Variants in LRRTM3 observed in about 807,000 individuals in gnomAD.
LRRTM3 encodes leucine rich repeat transmembrane neuronal 3.
In LRRTM3, 24 loss-of-function variants were observed where a neutral mutation model predicts 44.7. The observed-to-expected ratio is 0.54, with a 90% CI of 0.39 to 0.76. The LOEUF (loss-of-function observed/expected upper bound fraction) is 0.76. Among genes scored for constraint, LRRTM3 ranks in the 30% least tolerant of loss-of-function variants. The probability of loss-of-function intolerance (pLI) is 0.00; values close to 1 mark genes in which losing one functional copy is unlikely to be tolerated. For synonymous variants in LRRTM3, 277 were observed against 278.7 expected, an observed-to-expected ratio of 0.99 and a Z score of 0.06; for missense variants, 587 against 702.2, an observed-to-expected ratio of 0.84 and a Z score of 1.85.
intron 2 of LRRTM3, among the ~76,000 whole-genome samples, chr10:67,088,854 A>G (rs1857456425): frequency 6.6e-6 from 1 of 152,066 alleles, no homozygotes; most frequent in African/African-American, 2.4e-5. Context: ...TCAGCCCTCC[A>G]TATCCATAGG....
At chr10:66,984,334 A>C (rs780664111) in intron 2 of LRRTM3, among the ~76,000 whole-genome samples, 5 of 152,228 alleles carry the variant, frequency 3.3e-5, no homozygotes, top group Non-Finnish European at 7.3e-5. Context: ...TATTCTTAGT[A>C]TGTGAATACA....
chr10:66,985,643 G>A (rs748877980), intron 2 of LRRTM3, among the ~76,000 whole-genome samples: 1 of 152,132 alleles, frequency 6.6e-6, no homozygotes, highest in Non-Finnish European at 1.5e-5. Flanking sequence ...AAAGAGACCA[G>A]GAAGGGCAGG....
At chr10:67,088,073 A>G (rs1857410545) in intron 2 of LRRTM3, among the ~76,000 whole-genome samples, 1 of 151,860 alleles carries the variant, frequency 6.6e-6, no homozygotes, top group Non-Finnish European at 1.5e-5. Context: ...AAGAGAAAGA[A>G]AGCAAGAACA....
At chr10:67,080,766 C>T (rs1002484269) in intron 2 of LRRTM3, among the ~76,000 whole-genome samples, 1 of 151,376 alleles carries the variant, frequency 6.6e-6, no homozygotes, top group Non-Finnish European at 1.5e-5. Context: ...AAAATTAGCC[C>T]GGCGTGGTGG....
chr10:67,092,257 T>C (rs556167691), intron 2 of LRRTM3, among the ~76,000 whole-genome samples: 3 of 151,980 alleles, frequency 2.0e-5, no homozygotes, highest in African/African-American at 7.2e-5. Flanking sequence ...AATGGGAAGA[T>C]TTCCCCTGTG....
In LRRTM3 at chr10:66,941,527, T is replaced by C. The variant is rs572111565; in HGVS notation, c.1536+13075T>C. On this transcript the variant is annotated intron_variant, in intron 2 of 2. Transcript: ENST00000361320. ...TCTTTCCTTTCAACTGTATGGAATT[T>C]GAATCTGACAAACAACCTGTCTGTT... 4.6e-5 allele frequency among the ~76,000 whole-genome samples: 7 copies of C among 152,264 alleles called. No homozygotes were observed. In the South Asian group the frequency reaches 1.4e-3, roughly 32 times the overall value.
At chr10:67,075,262 T>C (rs1206722517) in intron 2 of LRRTM3, among the ~76,000 whole-genome samples, 5 of 151,768 alleles carry the variant, frequency 3.3e-5, no homozygotes, top group African/African-American at 1.2e-4. Flanking sequence ...AAATCTTAAA[T>C]TAAAAAAAAA....
At chr10:67,014,285 A>G (rs1410980972) in intron 2 of LRRTM3, among the ~76,000 whole-genome samples, 1 of 152,186 alleles carries the variant, frequency 6.6e-6, no homozygotes, top group Non-Finnish European at 1.5e-5. Context: ...AGCAGTGGTA[A>G]TAGGTTTACA....
chr10:67,097,590 C>T lies in LRRTM3; in HGVS notation c.1540C>T (p.Pro514Ser). 2 of 1,611,892 alleles carry T rather than the reference C, an allele frequency of 1.2e-6. No individual in the cohort carries two copies. Among genetic ancestry groups the T allele is most frequent in the Non-Finnish European group, 1.7e-6 (2 of 1,178,562 alleles). The change falls in exon 3 of 3, where the codon CCT (proline) becomes TCT (serine). Residue 514 changes from proline to serine, a missense_variant. Around this residue, in one of 3 missense-constraint regions of LRRTM3, gnomAD observed 315 missense variants for 335.6 expected, o/e 0.94. Coordinates refer to ENST00000361320, the MANE Select transcript of LRRTM3 (RefSeq NM_178011.5). ...NKSGSRECEI[P>S]LSMNVSTFLA... ...TTCTCATGTCATTTTTCCCCAGATA[C>T]CTTTATCAATGAATGTGTCAACCTT... is the stretch of plus-strand genomic sequence containing the variant.
intron 2 of LRRTM3, among the ~76,000 whole-genome samples, chr10:66,950,234 AC>A (rs1356243766): frequency 6.6e-6 from 1 of 151,768 alleles, no homozygotes; most frequent in Non-Finnish European, 1.5e-5. Flanking sequence ...TCCCCATTCA[AC>A]TCTAATTGTA....
chr10:66,942,572 CTCTCTGTG>C (rs1313441456), intron 2 of LRRTM3, among the ~76,000 whole-genome samples: 1 of 149,720 alleles, frequency 6.7e-6, no homozygotes, highest in African/African-American at 2.4e-5. Context: ...CTCTCTCTCT[CTCTCTGTG>C]TGTGTGTATG....
At chr10:67,081,598 G>A (rs114557312) in intron 2 of LRRTM3, among the ~76,000 whole-genome samples, 2,615 of 152,106 alleles carry the variant, frequency 0.017, 76 homozygotes, top group African/African-American at 0.06. Flanking sequence ...ATCATCTCTC[G>A]CCTACCATTT....
chr10:67,081,279 C>T (rs73256499), intron 2 of LRRTM3, among the ~76,000 whole-genome samples: 10,184 of 152,094 alleles, frequency 0.067, 404 homozygotes, highest in South Asian at 0.18. Flanking sequence ...ATATACTGAA[C>T]AGTGATATGA....
chr10:67,000,236 C>T (rs2132980764), intron 2 of LRRTM3, among the ~76,000 whole-genome samples: 1 of 152,264 alleles, frequency 6.6e-6, no homozygotes, highest in South Asian at 2.1e-4. Flanking sequence ...TTACTAAGTG[C>T]TGCAGAAGTA....
At chr10:67,036,945 T>C (rs1256476109) in intron 2 of LRRTM3, among the ~76,000 whole-genome samples, 2 of 152,090 alleles carry the variant, frequency 1.3e-5, no homozygotes, top group Non-Finnish European at 2.9e-5. Context: ...TAGGAGGAAA[T>C]GATACTTGGT....
At chr10:66,965,540 G>C (rs975983459) in intron 2 of LRRTM3, among the ~76,000 whole-genome samples, 1 of 86,332 alleles carries the variant, frequency 1.2e-5, no homozygotes, top group Non-Finnish European at 2.4e-5. Context: ...TCTCAAAAAA[G>C]AAAGAAAAGA....
chr10:67,036,989 T>C (rs113994677), intron 2 of LRRTM3, among the ~76,000 whole-genome samples: 2,749 of 152,258 alleles, frequency 0.018, 79 homozygotes, highest in African/African-American at 0.061. Context: ...ATTCATCTAT[T>C]TGAGATGCAG....
intron 2 of LRRTM3, among the ~76,000 whole-genome samples, chr10:66,956,068 G>GTT (rs988496195): frequency 6.6e-6 from 1 of 152,098 alleles, no homozygotes; most frequent in African/African-American, 2.4e-5. Context: ...ATGGCATTTG[G>GTT]TTTTGTTCTT....
intron 2 of LRRTM3, among the ~76,000 whole-genome samples, chr10:66,934,236 A>G (rs1375590460): frequency 6.6e-6 from 1 of 152,098 alleles, no homozygotes; most frequent in Non-Finnish European, 1.5e-5. Context: ...TGTAATGATA[A>G]TTAATAACTT....
Sources: allele counts gnomAD v4.1 joint callset (sites outside exome capture counted in the v4.1 genomes callset), GRCh38; gene constraint gnomAD v4.1.1; regional missense constraint gnomAD v4.1.1; transcripts MANE v1.5; gene names NCBI Gene and HGNC (gene_info 2026-07-23, HGNC 2026-07-21).